Variants in MACROD2 observed in about 807,000 individuals in gnomAD.
MACROD2 encodes the protein ADP-ribose glycohydrolase MACROD2.
A neutral mutation model predicts 70.4 loss-of-function variants in MACROD2; 36 were observed. That is an observed-to-expected ratio of 0.51 (90% confidence interval 0.39 to 0.68). The LOEUF (loss-of-function observed/expected upper bound fraction) is 0.68, where lower values mean the gene tolerates loss of function less well. Ranked by LOEUF, MACROD2 falls within the 30% of genes least tolerant of loss-of-function variation. The probability of loss-of-function intolerance (pLI) is 0.00; values close to 1 mark genes in which losing one functional copy is unlikely to be tolerated. For missense variants in MACROD2, 496 were observed against 538.4 expected, an observed-to-expected ratio of 0.92 and a Z score of 0.78; for synonymous variants, 172 against 178.8, an observed-to-expected ratio of 0.96 and a Z score of 0.30.
At chr20:14,324,749 C>T (rs1026304862) in intron 3 of MACROD2, 5 of 152,216 alleles carry the variant, frequency 3.3e-5, no homozygotes, top group African/African-American at 1.2e-4. Context: ...GTTCATTACA[C>T]TATACAAGTC....
chr20:14,432,178 C>A (rs949877058), intron 3 of MACROD2, among the ~76,000 whole-genome samples: 3 of 152,124 alleles, frequency 2.0e-5, no homozygotes, highest in Admixed American at 1.3e-4. Context: ...TTGCTCTAGC[C>A]ATGCTGTTCC....
At chr20:14,360,913 T>G (rs1240449745) in intron 3 of MACROD2, among the ~76,000 whole-genome samples, 1 of 152,220 alleles carries the variant, frequency 6.6e-6, no homozygotes. Context: ...GTCTTGGATT[T>G]GCAGAAGCAA....
In MACROD2 at chr20:15,313,606, C is replaced by T. The variant is rs1002833279; in HGVS notation, c.540+83545C>T. ...TCTCTTCTGTTTTGTGGAATCCCTC[C>T]TAGTGCTCTCACCTTCTCTGGGGGT... On this transcript the variant is annotated intron_variant, in intron 6 of 17. Transcript: ENST00000684519. 3.7e-4 allele frequency among the ~76,000 whole-genome samples: 57 copies of T among 152,062 alleles called. 1 individual carries two copies. Among genetic ancestry groups the T allele is most frequent in the East Asian group, 1.9e-3 (10 of 5,166 alleles).
chr20:14,385,384 A>T (rs527687093), intron 3 of MACROD2, among the ~76,000 whole-genome samples: 1 of 152,018 alleles, frequency 6.6e-6, no homozygotes, highest in Middle Eastern at 3.2e-3. Context: ...CTCTGTTGTG[A>T]TTCATAGTTT....
intron 10 of MACROD2, among the ~76,000 whole-genome samples, chr20:15,915,276 C>T (rs1328042381): frequency 6.6e-6 from 1 of 152,200 alleles, no homozygotes; most frequent in East Asian, 1.9e-4. Flanking sequence ...ATTAGCCCCA[C>T]CCTGAAGCTA....
intron 5 of MACROD2, among the ~76,000 whole-genome samples, chr20:15,128,281 A>G (rs2076080871): frequency 6.6e-6 from 1 of 152,128 alleles, no homozygotes; most frequent in Non-Finnish European, 1.5e-5. Context: ...GTCCTACCAT[A>G]TGATGGCTGG....
At chr20:15,687,830 T>C (rs1759830310) in intron 8 of MACROD2, among the ~76,000 whole-genome samples, 1 of 152,220 alleles carries the variant, frequency 6.6e-6, no homozygotes, top group African/African-American at 2.4e-5. Flanking sequence ...AGGACTATAC[T>C]AAACTCCTGA....
chr20:14,475,891 T>A (rs2084588364), intron 3 of MACROD2, among the ~76,000 whole-genome samples: 2 of 152,010 alleles, frequency 1.3e-5, no homozygotes, highest in Admixed American at 6.5e-5. Flanking sequence ...TGGGGTAGTG[T>A]TATTTGGTTT....
chr20:15,221,457 C>T (rs1427295479), intron 5 of MACROD2, among the ~76,000 whole-genome samples: 2 of 152,194 alleles, frequency 1.3e-5, no homozygotes, highest in African/African-American at 4.8e-5. Context: ...GGAAATAACA[C>T]TATTGTGATG....
chr20:15,024,095 C>T (rs930326151), intron 5 of MACROD2, among the ~76,000 whole-genome samples: 11 of 152,102 alleles, frequency 7.2e-5, no homozygotes, highest in Admixed American at 2.6e-4. Context: ...TAGTGGATAC[C>T]TTTATTGCTG....
intron 16 of MACROD2, 79 bp downstream of exon 16, chr20:16,041,357 C>A: frequency 8.8e-7 from 1 of 1,135,076 alleles, no homozygotes; most frequent in Non-Finnish European, 1.3e-6. Flanking sequence ...ATTAAGGGAA[C>A]TATCTGTTCT....
At chr20:14,754,114 A>G (rs1426833263) in intron 5 of MACROD2, among the ~76,000 whole-genome samples, 1 of 152,088 alleles carries the variant, frequency 6.6e-6, no homozygotes, top group East Asian at 1.9e-4. Context: ...CTATTTAATA[A>G]ATGTTTTTTA....
At chr20:15,416,895 T>G (rs985073705) in intron 6 of MACROD2, among the ~76,000 whole-genome samples, 1 of 144,578 alleles carries the variant, frequency 6.9e-6, no homozygotes, top group African/African-American at 2.5e-5. Flanking sequence ...AGAGCGAGAC[T>G]CCGTCTCAAA....
intron 15 of MACROD2, among the ~76,000 whole-genome samples, chr20:15,996,686 G>A (rs946089380): frequency 6.6e-6 from 1 of 151,460 alleles, no homozygotes; most frequent in African/African-American, 2.4e-5. Context: ...TTCCTTTTCT[G>A]TTTAGAAGCT....
At chr20:14,092,989 A>G (rs1404456627) in intron 3 of MACROD2, among the ~76,000 whole-genome samples, 1 of 152,226 alleles carries the variant, frequency 6.6e-6, no homozygotes, top group Non-Finnish European at 1.5e-5. Context: ...CTTCCTGAGC[A>G]GTTTTCAAAA....
At chr20:15,295,595 TCACACACACA>T (rs3223712) in intron 6 of MACROD2, among the ~76,000 whole-genome samples, 8 of 148,052 alleles carry the variant, frequency 5.4e-5, no homozygotes, top group East Asian at 4.0e-4. Context: ...ATGTCTGTCA[TCACACACACA>T]CACACACACA....
intron 6 of MACROD2, among the ~76,000 whole-genome samples, chr20:15,303,922 G>A (rs999518144): frequency 1.3e-5 from 2 of 151,960 alleles, no homozygotes; most frequent in Admixed American, 6.6e-5. Context: ...GATCTTCCAC[G>A]TTTACTCACC....
intron 2 of MACROD2, among the ~76,000 whole-genome samples, chr20:14,049,808 G>T (rs1246267433): frequency 6.6e-6 from 1 of 151,512 alleles, no homozygotes; most frequent in Non-Finnish European, 1.5e-5. Context: ...AACAAGGCTG[G>T]TGCGGTGGCT....
chr20:14,281,903 C>T (rs1382886736), intron 3 of MACROD2, among the ~76,000 whole-genome samples: 1 of 142,372 alleles, frequency 7.0e-6, no homozygotes, highest in Non-Finnish European at 1.5e-5. Flanking sequence ...CCACAGCACT[C>T]CAGCCTTGGC....
Sources: allele counts gnomAD v4.1 joint callset (sites outside exome capture counted in the v4.1 genomes callset), GRCh38; gene constraint gnomAD v4.1.1; transcripts MANE v1.5; gene names NCBI Gene and HGNC (gene_info 2026-07-23, HGNC 2026-07-21).